The following SLC4A5 variants were observed in gnomAD, a reference collection of about 807,000 sequenced individuals.
SLC4A5 encodes the protein solute carrier family 4 member 5.
Under a neutral mutation model 120.4 loss-of-function variants are expected in SLC4A5, and 96 were observed. The observed-to-expected ratio is 0.80, with a 90% CI of 0.68 to 0.94. The LOEUF (loss-of-function observed/expected upper bound fraction) is 0.94, where lower values mean the gene tolerates loss of function less well. SLC4A5 is among the 40% of genes least tolerant of loss of function. SLC4A5 has a pLI of 0.00. For synonymous variants in SLC4A5, 550 were observed against 571.1 expected (o/e 0.96, Z 0.53); for missense variants, 1,259 against 1,459.5 (o/e 0.86, Z 2.24).
At chr2:74,241,899 G>T in intron 20 of SLC4A5, 95 bp downstream of exon 20, 2 of 1,118,230 alleles carry the variant, frequency 1.8e-6, no homozygotes, top group Non-Finnish European at 2.6e-6. Flanking sequence ...CTGCAAGTCT[G>T]GGAGGCCATA....
Position 74,259,593 on chromosome 2 carries a change from CTG to C in SLC4A5, c.860_861del (p.Thr287ArgfsTer72), listed in dbSNP as rs1332702131. 2 of 1,614,142 alleles carry C rather than the reference CTG, an allele frequency of 1.2e-6. No homozygotes were observed. The highest frequency in any genetic ancestry group is 8.5e-7 in the Non-Finnish European group (1 of 1,180,012). On this transcript the variant is annotated frameshift_variant, in exon 12 of 31. Coordinates refer to ENST00000394019, the Ensembl canonical transcript of SLC4A5. LOFTEE classifies it high-confidence loss of function. ...AAGTGCAGGGGTTTTACTACCTGGTCTGTGTTTGGGGTGAGAGAAATGTCATT... is the reference window on the plus strand; with the variant it reads ...AAGTGCAGGGGTTTTACTACCTGGTCTGTTTGGGGTGAGAGAAATGTCATT...
intron 2 of SLC4A5, among the ~76,000 whole-genome samples, chr2:74,340,012 T>C (rs1293246401): frequency 6.6e-6 from 1 of 152,184 alleles, no homozygotes; most frequent in African/African-American, 2.4e-5. Flanking sequence ...AGAGAGTAGA[T>C]TAATGGCTAC....
intron 12 of SLC4A5, among the ~76,000 whole-genome samples, chr2:74,258,854 T>C (rs1417722134): frequency 2.0e-5 from 3 of 152,186 alleles, no homozygotes; most frequent in Non-Finnish European, 4.4e-5. Flanking sequence ...CCACCAAACT[T>C]AGGGGTGGCT....
chr2:74,245,681 C>T (rs763793385), intron 19 of SLC4A5, among the ~76,000 whole-genome samples: 1 of 152,206 alleles, frequency 6.6e-6, no homozygotes, highest in Non-Finnish European at 1.5e-5. Context: ...TCAGTGCAGT[C>T]ACAGAGAGAA....
At chr2:74,219,211 GTGTGTGTGTT>G (rs374216880) in intron 30 of SLC4A5, among the ~76,000 whole-genome samples, 5,743 of 116,180 alleles carry the variant, frequency 0.049, 154 homozygotes, top group East Asian at 0.081. Flanking sequence ...GTGTGTGTGT[GTGTGTGTGTT>G]TGTGTGTGTT....
chr2:74,336,160 C>CA (rs1347266281), intron 3 of SLC4A5, among the ~76,000 whole-genome samples: 1 of 152,186 alleles, frequency 6.6e-6, no homozygotes, highest in Admixed American at 6.5e-5. Flanking sequence ...CTTGACCTCC[C>CA]AGGCTCAAGC....
intron 8 of SLC4A5, among the ~76,000 whole-genome samples, chr2:74,270,286 G>A (rs1037788981): frequency 1.6e-4 from 24 of 152,178 alleles, no homozygotes; most frequent in Non-Finnish European, 3.1e-4. Flanking sequence ...CTTTCACCTT[G>A]AATGGAAAAG....
Position 74,231,205 on chromosome 2 carries a change from C to T in SLC4A5, c.2847+31G>A, listed in dbSNP as rs748255493. 6.7e-5 allele frequency: 107 copies of T among 1,588,166 alleles called. No individual in the cohort carries two copies. The South Asian group carries it at 7.6e-4, about 11-fold the overall frequency. On this transcript the variant is annotated intron_variant, in intron 25 of 30. Transcript: ENST00000394019. ...GCATCCGCTCTGCTTTCTCAGGCAA[C>T]GAGGCCCTAGGTGACAGTGCAGGAC...
In SLC4A5 at chr2:74,232,647, T is replaced by A. The variant is rs759178061; in HGVS notation, c.2596A>T (p.Lys866Ter). Residue 866 changes from lysine to a stop codon, truncating the protein, a stop_gained and splice_region_variant, in exon 24 of 31, where the codon AAG becomes TAG. Transcript: ENST00000394019. LOFTEE classifies it high-confidence loss of function. Reference sequence around the variant, plus strand: ...AGGTCCAGATGGTAGCCGGCAGCCTTCTGCAGGAGCGGGGTTGGGGGAGGG... The same window carrying A: ...AGGTCCAGATGGTAGCCGGCAGCCTACTGCAGGAGCGGGGTTGGGGGAGGG... 1 of 1,612,140 alleles carries A rather than the reference T, an allele frequency of 6.2e-7. No individual in the cohort carries two copies. The highest frequency in any genetic ancestry group is 1.3e-5 in the African/African-American group (1 of 74,724).
At chr2:74,317,532 A>G (rs1338445105) in intron 5 of SLC4A5, among the ~76,000 whole-genome samples, 1 of 152,168 alleles carries the variant, frequency 6.6e-6, no homozygotes, top group East Asian at 1.9e-4. Context: ...TTCTGAGGTT[A>G]AATCCTCAGG....
At chr2:74,269,176 G>C (rs112111621) in intron 8 of SLC4A5, among the ~76,000 whole-genome samples, 16 of 152,236 alleles carry the variant, frequency 1.1e-4, no homozygotes, top group African/African-American at 3.6e-4. Context: ...TAACATAAGA[G>C]TTTACAAGGA....
At position 74,224,546 on chromosome 2, in the gene SLC4A5, G is replaced by C. The variant is rs539337811; in HGVS notation, c.3246+294C>G. On this transcript the variant is annotated intron_variant, in intron 28 of 30. Transcript: ENST00000394019. Reference sequence around the variant, plus strand: ...CTCCTGGCCCTTCCCACAGGAACCCGCTTGCTGTGATCACGGCCGTAAAGC... The same window carrying C: ...CTCCTGGCCCTTCCCACAGGAACCCCCTTGCTGTGATCACGGCCGTAAAGC... Among the ~76,000 whole-genome samples, 416 of 152,216 alleles carry C rather than the reference G, an allele frequency of 2.7e-3. 2 individuals are homozygous for C. Among genetic ancestry groups the C allele is most frequent in the African/African-American group, 9.2e-3 (384 of 41,528 alleles).
At chr2:74,276,485 C>G (rs188034846) in intron 8 of SLC4A5, among the ~76,000 whole-genome samples, 1 of 152,174 alleles carries the variant, frequency 6.6e-6, no homozygotes, top group Non-Finnish European at 1.5e-5. Context: ...GCTGCAGTTA[C>G]ATCAGCAGAT....
chr2:74,247,165 T>C (rs753999871), exon 19 of SLC4A5: 6 of 1,614,216 alleles, frequency 3.7e-6, no homozygotes, highest in East Asian at 4.5e-5. Flanking sequence ...ATGAAGCTGA[T>C]AAGGGTGGAG....
intron 16 of SLC4A5, 33 bp downstream of exon 16, chr2:74,252,146 C>T (rs2103991885): frequency 1.2e-6 from 2 of 1,604,296 alleles, no homozygotes; most frequent in Middle Eastern, 3.3e-4. Flanking sequence ...GTCTAAAGGA[C>T]AGCAGGGTCA....
chr2:74,218,441 T>A (rs1449805840), exon 31 of SLC4A5: 2 of 152,244 alleles, frequency 1.3e-5, no homozygotes, highest in Non-Finnish European at 2.9e-5. Flanking sequence ...TTAGGTATTT[T>A]AATTACTACA....
chr2:74,221,665 C>A (rs574937352), intron 29 of SLC4A5, among the ~76,000 whole-genome samples, 164 bp from the exon 30 acceptor site: 1 of 152,266 alleles, frequency 6.6e-6, no homozygotes, highest in South Asian at 2.1e-4. Flanking sequence ...CTTAGTTACT[C>A]CTTCACCCAG....
intron 8 of SLC4A5, among the ~76,000 whole-genome samples, chr2:74,275,037 A>T (rs190089136): frequency 4.5e-4 from 68 of 152,270 alleles, no homozygotes; most frequent in African/African-American, 1.6e-3. Flanking sequence ...TGGCTGACTG[A>T]TTCCCTTTGA....
chr2:74,316,545 T>G (rs1573097483), intron 5 of SLC4A5, among the ~76,000 whole-genome samples: 1 of 152,082 alleles, frequency 6.6e-6, no homozygotes, highest in African/African-American at 2.4e-5. Flanking sequence ...AAATTGAGAA[T>G]AAGACTGACA....
Sources: allele counts gnomAD v4.1 joint callset (sites outside exome capture counted in the v4.1 genomes callset), GRCh38; gene constraint gnomAD v4.1.1; transcripts MANE v1.5; gene names NCBI Gene and HGNC (gene_info 2026-07-23, HGNC 2026-07-21).